Variants in NRXN3 observed in about 807,000 individuals in gnomAD.
NRXN3 encodes the protein neurexin III.
A neutral mutation model predicts 137.6 loss-of-function variants in NRXN3; 32 were observed. The ratio of observed to expected loss-of-function variants is 0.23; its 90% CI spans 0.18 to 0.31. The LOEUF is 0.31. Among genes scored for constraint, NRXN3 ranks in the 10% least tolerant of loss-of-function variants. The probability of loss-of-function intolerance (pLI) is 1.00; values close to 1 mark genes in which losing one functional copy is unlikely to be tolerated. For synonymous variants in NRXN3, 798 were observed against 784.5 expected (o/e 1.02, Z -0.29); for missense variants, 1,574 against 2,062.5 (o/e 0.76, Z 4.59).
intron 19 of NRXN3, among the ~76,000 whole-genome samples, chr14:79,787,616 T>C (rs913229266): frequency 3.4e-4 from 51 of 152,186 alleles, no homozygotes; most frequent in African/African-American, 1.2e-3. Flanking sequence ...TTTGACTTTT[T>C]AGATTTCTAC....
At chr14:79,326,978 A>T (rs571974581) in intron 15 of NRXN3, among the ~76,000 whole-genome samples, 111 of 146,010 alleles carry the variant, frequency 7.6e-4, no homozygotes, top group Non-Finnish European at 1.3e-3. Flanking sequence ...AAACAAATTT[A>T]AAAAAAAGTG....
rs553924059 is a variant in NRXN3, at chr14:79,387,339, G to A, written c.3263-79882G>A. 6.4e-3 allele frequency among the ~76,000 whole-genome samples: 975 copies of A among 152,112 alleles called. 12 individuals are homozygous for A. Among genetic ancestry groups the A allele is most frequent in the African/African-American group, 0.023 (948 of 41,442 alleles). ...AAAGAAGACATTTATGCAGCCAAAA[G>A]AAACATGAAAAAATGCTCATCATCA... is the stretch of plus-strand genomic sequence containing the variant. On this transcript the variant is annotated intron_variant, in intron 15 of 20. Coordinates refer to ENST00000335750, the MANE Select transcript of NRXN3 (RefSeq NM_001330195.2).
intron 10 of NRXN3, among the ~76,000 whole-genome samples, chr14:78,813,809 G>C (rs1325589282): frequency 6.6e-6 from 1 of 152,068 alleles, no homozygotes; most frequent in African/African-American, 2.4e-5. Flanking sequence ...GGCCATGAGA[G>C]AGAAGGGTGA....
In NRXN3 at chr14:79,280,158, A is replaced by C. The variant is rs1474639109; in HGVS notation, c.3263-187063A>C. The C allele has an allele frequency of 2.0e-6, 3 of 1,502,810 alleles. No homozygotes were observed. The East Asian group carries it at 6.8e-5, about 34-fold the overall frequency. The allele number at this position is 1,502,810 out of a possible 1,614,324, so 93.1% of individuals were successfully genotyped here. A position where few individuals can be genotyped will look rare whatever the true frequency, so the allele number is the denominator to read the frequency against. ...AACTGATTCATTGTTTGGAAAGCGC[A>C]TATTGCTTCCCTCTTCCCCGAATTC... On this transcript the variant is annotated intron_variant, in intron 15 of 20. Coordinates refer to ENST00000335750, the MANE Select transcript of NRXN3 (RefSeq NM_001330195.2).
At chr14:79,336,987 A>C (rs573823102) in intron 15 of NRXN3, among the ~76,000 whole-genome samples, 2 of 151,830 alleles carry the variant, frequency 1.3e-5, no homozygotes, top group African/African-American at 2.4e-5. Flanking sequence ...CATACTTTAA[A>C]CTCCTTGGGA....
intron 15 of NRXN3, among the ~76,000 whole-genome samples, chr14:79,215,773 A>G (rs2068403262): frequency 6.6e-6 from 1 of 152,188 alleles, no homozygotes; most frequent in African/African-American, 2.4e-5. Context: ...TCATACATAT[A>G]CATAGGTCAG....
At chr14:79,150,149 A>G (rs1225566008) in intron 15 of NRXN3, among the ~76,000 whole-genome samples, 1 of 152,084 alleles carries the variant, frequency 6.6e-6, no homozygotes. Flanking sequence ...GACTATCCAC[A>G]TCACAAATTA....
intron 15 of NRXN3, among the ~76,000 whole-genome samples, chr14:79,122,219 G>A (rs183101534): frequency 1.3e-5 from 2 of 152,260 alleles, no homozygotes; most frequent in East Asian, 3.9e-4. Flanking sequence ...CAGGGGCTTG[G>A]GGCACTGGTT....
chr14:79,365,448 G>A (rs1014037370), intron 15 of NRXN3, among the ~76,000 whole-genome samples: 77 of 151,892 alleles, frequency 5.1e-4, no homozygotes, highest in African/African-American at 1.7e-3. Context: ...GGCCGGGCGC[G>A]GTGGCTCACG....
intron 15 of NRXN3, among the ~76,000 whole-genome samples, chr14:79,185,896 A>G (rs1370111710): frequency 6.6e-6 from 1 of 152,148 alleles, no homozygotes; most frequent in Non-Finnish European, 1.5e-5. Flanking sequence ...TCCCCCCAAG[A>G]TTTTATAAAA....
chr14:79,617,932 A>C (rs1287357803), intron 16 of NRXN3, among the ~76,000 whole-genome samples: 2 of 150,966 alleles, frequency 1.3e-5, no homozygotes, highest in Non-Finnish European at 2.9e-5. Context: ...AAAAAAAAAA[A>C]CATGCTTATG....
chr14:79,643,173 C>T (rs540212475), intron 16 of NRXN3, among the ~76,000 whole-genome samples: 3 of 136,014 alleles, frequency 2.2e-5, no homozygotes, highest in African/African-American at 7.3e-5. Flanking sequence ...CCACTTTAGT[C>T]CCAACTCACT....
At chr14:79,069,778 A>G (rs1035391157) in intron 15 of NRXN3, among the ~76,000 whole-genome samples, 12 of 152,078 alleles carry the variant, frequency 7.9e-5, no homozygotes, top group African/African-American at 2.9e-4. Flanking sequence ...CTGTGATGCT[A>G]TTTTGCTTGC....
chr14:78,817,021 T>C (rs1293308165), intron 10 of NRXN3, among the ~76,000 whole-genome samples: 2 of 152,250 alleles, frequency 1.3e-5, no homozygotes, highest in African/African-American at 4.8e-5. Flanking sequence ...ATGTTAATCT[T>C]GTTTTGATAA....
At chr14:79,602,043 A>G (rs2097929160) in intron 16 of NRXN3, among the ~76,000 whole-genome samples, 1 of 152,170 alleles carries the variant, frequency 6.6e-6, no homozygotes, top group African/African-American at 2.4e-5. Context: ...CCTGTATTAA[A>G]TTTTCTTTGA....
intron 4 of NRXN3, among the ~76,000 whole-genome samples, chr14:78,594,187 A>C (rs2097140606): frequency 1.3e-5 from 2 of 152,356 alleles, no homozygotes; most frequent in African/African-American, 4.8e-5. Flanking sequence ...AATGCAGTCC[A>C]AATGTGGAAG....
chr14:79,639,685 G>C (rs1278983017), intron 16 of NRXN3, among the ~76,000 whole-genome samples: 1 of 152,168 alleles, frequency 6.6e-6, no homozygotes, highest in Non-Finnish European at 1.5e-5. Flanking sequence ...CCAACCTCTT[G>C]AATCAAATTG....
rs1038960252 is a variant in NRXN3 at position 78,372,817 on chromosome 14, T to C, written c.757+74957T>C. ...TTCAAATATTCATTTCTAACTTTTC[T>C]TTCATTAAAGAGTTCCTCTTCCTCT... On this transcript the variant is annotated intron_variant, in intron 4 of 20. Coordinates refer to ENST00000335750, the MANE Select transcript of NRXN3 (RefSeq NM_001330195.2). Among the ~76,000 whole-genome samples, 96 of 152,206 alleles carry C rather than the reference T, an allele frequency of 6.3e-4. 3 individuals carry two copies. Among genetic ancestry groups the C allele is most frequent in the Admixed American group, 6.3e-3 (96 of 15,280 alleles).
At chr14:78,593,700 G>C (rs1256997087) in intron 4 of NRXN3, among the ~76,000 whole-genome samples, 1 of 152,160 alleles carries the variant, frequency 6.6e-6, no homozygotes, top group Non-Finnish European at 1.5e-5. Flanking sequence ...AGGTCGAGGA[G>C]GGGGTGGGGA....
Sources: allele counts gnomAD v4.1 joint callset (sites outside exome capture counted in the v4.1 genomes callset), GRCh38; gene constraint gnomAD v4.1.1; transcripts MANE v1.5; gene names NCBI Gene and HGNC (gene_info 2026-07-23, HGNC 2026-07-21).